LRRTM3: variants seen among roughly 807,000 people sequenced by gnomAD.
LRRTM3 encodes the protein leucine rich repeat transmembrane neuronal 3, also known as leucine-rich repeat transmembrane neuronal protein 3.
LRRTM3 carries 24 observed loss-of-function variants against 44.7 expected under a neutral mutation model. That is an observed-to-expected ratio of 0.54 (90% CI 0.39 to 0.76). The LOEUF (loss-of-function observed/expected upper bound fraction) is 0.76. Among genes scored for constraint, LRRTM3 ranks in the 30% least tolerant of loss-of-function variants. The pLI, the probability that LRRTM3 is intolerant of heterozygous loss-of-function variation, is 0.00. For synonymous variants in LRRTM3, 277 were observed against 278.7 expected (o/e 0.99, Z 0.06); for missense variants, 587 against 702.2 (o/e 0.84, Z 1.85).
At chr10:67,050,473 G>C (rs976681806) in intron 2 of LRRTM3, among the ~76,000 whole-genome samples, 13 of 152,174 alleles carry the variant, frequency 8.5e-5, no homozygotes, top group Non-Finnish European at 1.6e-4. Context: ...ATTCAGCTTA[G>C]ATTGCAGAAC....
intron 2 of LRRTM3, among the ~76,000 whole-genome samples, chr10:66,941,868 T>TA (rs1017576737): frequency 6.6e-6 from 1 of 152,152 alleles, no homozygotes; most frequent in Admixed American, 6.5e-5. Flanking sequence ...GAGGATGACC[T>TA]AAAAAAACCA....
At chr10:67,063,934 C>A (rs868040681) in intron 2 of LRRTM3, among the ~76,000 whole-genome samples, 1 of 152,142 alleles carries the variant, frequency 6.6e-6, no homozygotes, top group Non-Finnish European at 1.5e-5. Context: ...CATTTACCTT[C>A]TGCACACACA....
At chr10:66,973,943 T>A (rs1045341684) in intron 2 of LRRTM3, among the ~76,000 whole-genome samples, 15 of 152,170 alleles carry the variant, frequency 9.9e-5, no homozygotes, top group African/African-American at 3.1e-4. Context: ...TAATCAACTT[T>A]ATTGAAATAT....
intron 2 of LRRTM3, among the ~76,000 whole-genome samples, chr10:67,058,266 C>T (rs1855557525): frequency 6.6e-6 from 1 of 152,154 alleles, no homozygotes; most frequent in South Asian, 2.1e-4. Context: ...TATGCAGATA[C>T]CATATTTGGT....
intron 2 of LRRTM3, among the ~76,000 whole-genome samples, chr10:67,088,955 C>T (rs780539779): frequency 3.2e-4 from 48 of 151,820 alleles, no homozygotes; most frequent in African/African-American, 8.4e-4. Context: ...AAAATTAATA[C>T]GAATAGAACA....
chr10:66,962,425 T>TC (rs1181003708), intron 2 of LRRTM3, among the ~76,000 whole-genome samples: 1 of 151,720 alleles, frequency 6.6e-6, no homozygotes, highest in Non-Finnish European at 1.5e-5. Context: ...TTTGTTTTTT[T>TC]TTTGAGACAG....
At chr10:66,989,091 G>A (rs1416546104) in intron 2 of LRRTM3, among the ~76,000 whole-genome samples, 1 of 151,912 alleles carries the variant, frequency 6.6e-6, no homozygotes, top group African/African-American at 2.4e-5. Flanking sequence ...TGTATTTCCT[G>A]GAAATTGTAT....
chr10:67,097,535 T>G, intron 2 of LRRTM3, 52 bp from the exon 3 acceptor site: 1 of 1,519,810 alleles, frequency 6.6e-7, no homozygotes, highest in South Asian at 1.1e-5. Flanking sequence ...ATCTTTCCCC[T>G]AAAGTTGTCC....
At chr10:66,993,249 G>A (rs1193097223) in intron 2 of LRRTM3, among the ~76,000 whole-genome samples, 1 of 151,962 alleles carries the variant, frequency 6.6e-6, no homozygotes, top group Non-Finnish European at 1.5e-5. Context: ...ATGATAGGTG[G>A]GATCCAAGAA....
intron 2 of LRRTM3, among the ~76,000 whole-genome samples, chr10:66,963,694 TAGA>T (rs1019009291): frequency 7.9e-5 from 12 of 151,998 alleles, no homozygotes; most frequent in South Asian, 4.2e-4. Context: ...GGTTCCAAAA[TAGA>T]AGGAGACCAA....
intron 2 of LRRTM3, among the ~76,000 whole-genome samples, chr10:67,081,734 C>T (rs141592293): frequency 2.4e-4 from 36 of 152,292 alleles, no homozygotes; most frequent in African/African-American, 7.9e-4. Context: ...TGCACTTCTG[C>T]CTAGAACAGT....
At chr10:67,083,849 A>AT (rs548011227) in intron 2 of LRRTM3, among the ~76,000 whole-genome samples, 58 of 152,314 alleles carry the variant, frequency 3.8e-4, no homozygotes, top group Admixed American at 6.5e-4. Context: ...AAAGCTACAC[A>AT]TATTTTATTA....
At chr10:67,057,617 A>ATTCC (rs1348231447) in intron 2 of LRRTM3, among the ~76,000 whole-genome samples, 4 of 152,096 alleles carry the variant, frequency 2.6e-5, no homozygotes, top group Non-Finnish European at 5.9e-5. Context: ...TAAGACTGAG[A>ATTCC]ATACTGACCC....
chr10:66,988,336 C>T lies in LRRTM3; in HGVS notation c.1536+59884C>T, dbSNP rs569218543. Among the ~76,000 whole-genome samples the T allele has an allele frequency of 1.2e-4, 18 of 152,270 alleles. No homozygotes were observed. In the East Asian group the frequency reaches 3.3e-3, roughly 28 times the overall value. On this transcript the variant is annotated intron_variant, in intron 2 of 2. Transcript: ENST00000361320. ...GCTCATTTGGAATTTACTAATTTAA[C>T]AGAGATTATGATTTTGGTAGAAATT...
chr10:67,037,303 T>C lies in LRRTM3; in HGVS notation c.1537-60284T>C, dbSNP rs183347549. Among the ~76,000 whole-genome samples the C allele has an allele frequency of 1.0e-3, 156 of 151,644 alleles. 3 individuals are homozygous for C. The highest frequency in any genetic ancestry group is 3.2e-3 in the African/African-American group (134 of 41,296). On this transcript the variant is annotated intron_variant, in intron 2 of 2. Coordinates refer to ENST00000361320, the MANE Select transcript of LRRTM3 (RefSeq NM_178011.5). ...TAATGCCATCCTTTCTCTTCTTTCA[T>C]GTACTCAGCAAAATCATATTCAGCA...
intron 2 of LRRTM3, among the ~76,000 whole-genome samples, chr10:67,017,460 T>C (rs1343985052): frequency 6.6e-6 from 1 of 152,134 alleles, no homozygotes; most frequent in African/African-American, 2.4e-5. Context: ...GAGCCACGAT[T>C]AGTCCTCCAC....
chr10:66,954,312 T>C (rs912453824), intron 2 of LRRTM3, among the ~76,000 whole-genome samples: 6 of 152,214 alleles, frequency 3.9e-5, no homozygotes, highest in African/African-American at 1.4e-4. Context: ...AAATTTGTTC[T>C]GTGTCTAGTT....
At position 67,098,896 on chromosome 10, in the gene LRRTM3, C is replaced by T. The variant is rs1295004194; in HGVS notation, c.*1100C>T. ...TCTTAAGACAACTTTTTATTTAGAA[C>T]TGTGAGACCGGTATTTTGGAAACAT... On this transcript the variant is annotated 3_prime_UTR_variant, in exon 3 of 3. Coordinates refer to ENST00000361320, the MANE Select transcript of LRRTM3 (RefSeq NM_178011.5). 2 of 151,812 alleles carry T rather than the reference C, an allele frequency of 1.3e-5. No individual in the cohort carries two copies. Among genetic ancestry groups the T allele is most frequent in the African/African-American group, 4.8e-5 (2 of 41,388 alleles). The allele number at this position is 151,812 out of a possible 1,614,324, so 9.4% of individuals were successfully genotyped here. A position where few individuals can be genotyped will look rare whatever the true frequency, so the allele number is the denominator to read the frequency against.
rs1271383397 is a variant in LRRTM3 at position 67,100,100 on chromosome 10, A to G, written c.*2304A>G. ...AATAGGTTTATCTACTAATAAACCTATTTCTAGACACATTCAAATTGATAA... is the reference window on the plus strand; with the variant it reads ...AATAGGTTTATCTACTAATAAACCTGTTTCTAGACACATTCAAATTGATAA... On this transcript the variant is annotated 3_prime_UTR_variant, in exon 3 of 3. Transcript: ENST00000361320. Among the ~76,000 whole-genome samples the G allele has an allele frequency of 1.3e-5, 2 of 151,822 alleles. No individual in the cohort carries two copies. The highest frequency in any genetic ancestry group is 4.8e-5 in the African/African-American group (2 of 41,416).
Sources: gnomAD v4.1 joint callset for allele counts (sites outside exome capture counted in the v4.1 genomes callset) on GRCh38, gnomAD v4.1.1 for gene constraint, MANE v1.5 for transcripts, NCBI Gene and HGNC (gene_info 2026-07-23, HGNC 2026-07-21) for gene names.